PLAC1: variants seen among roughly 807,000 people sequenced by gnomAD.
PLAC1 encodes the protein placenta associated 1.
For synonymous variants in PLAC1, 68 were observed against 62.1 expected, an observed-to-expected ratio of 1.09 and a Z score of -0.44; for missense variants, 136 against 163.2, an observed-to-expected ratio of 0.83 and a Z score of 0.91.
chrX:134,731,522 T>C (rs938666705), intron 2 of PLAC1, among the ~76,000 whole-genome samples: 3 of 112,388 alleles, frequency 2.7e-5, no homozygotes, highest in African/African-American at 9.7e-5. Flanking sequence ...CAAGCTAGAC[T>C]ACCCTAGGGG....
In PLAC1 at chrX:134,656,170, T is replaced by C. The variant is rs1251397613; in HGVS notation, c.-131+2158A>G. Among the ~76,000 whole-genome samples, 3 of 112,221 alleles carry C rather than the reference T, an allele frequency of 2.7e-5. No homozygotes were observed. The South Asian group carries it at 1.1e-3, about 42-fold the overall frequency. ...TCACTCCTATCTGGAAAACCATCAA[T>C]GGCTATTTCCTATTTCTCATCTTTC... On this transcript the variant is annotated intron_variant, in intron 1 of 2. Transcript: ENST00000359237.
intron 2 of PLAC1, chrX:134,601,119 TTGTG>T (rs1463421941): frequency 1.8e-5 from 2 of 109,769 alleles, no homozygotes; most frequent in African/African-American, 6.6e-5. Context: ...CACTGTATGT[TTGTG>T]TATCCTCCTT....
chrX:134,602,308 G>A (rs995277420), intron 1 of PLAC1, among the ~76,000 whole-genome samples, 186 bp from the exon 2 acceptor site: 2 of 112,394 alleles, frequency 1.8e-5, no homozygotes, highest in African/African-American at 6.5e-5. Flanking sequence ...AATGGCTGTA[G>A]CCTTGAATAG....
chrX:134,616,812 G>A (rs2078184795), intron 1 of PLAC1, among the ~76,000 whole-genome samples: 1 of 106,446 alleles, frequency 9.4e-6, no homozygotes, highest in African/African-American at 3.4e-5. Flanking sequence ...GTCTCGCTCT[G>A]TCACCCAGGC....
At chrX:134,734,667 T>C (rs1265488491) in intron 1 of PLAC1, among the ~76,000 whole-genome samples, 2 of 111,748 alleles carry the variant, frequency 1.8e-5, no homozygotes, top group Admixed American at 9.4e-5. Flanking sequence ...GGAATGGCGT[T>C]CCCTCCCCTC....
chrX:134,612,230 C>T, intron 1 of PLAC1, among the ~76,000 whole-genome samples: 1 of 112,071 alleles, frequency 8.9e-6, no homozygotes, highest in Non-Finnish European at 1.9e-5. Flanking sequence ...CTATTAGCCA[C>T]CTTGCCTTAA....
chrX:134,754,392 C>T (rs1198439832), intron 1 of PLAC1, among the ~76,000 whole-genome samples: 2 of 111,825 alleles, frequency 1.8e-5, no homozygotes, highest in Non-Finnish European at 3.8e-5. Flanking sequence ...TCTATAGTGC[C>T]TTTCCACTGA....
At chrX:134,744,631 G>A (rs2078725247) in intron 1 of PLAC1, among the ~76,000 whole-genome samples, 1 of 112,248 alleles carries the variant, frequency 8.9e-6, no homozygotes, top group Admixed American at 9.4e-5. Context: ...ATAACGTCCT[G>A]ATTGTCACTA....
intron 2 of PLAC1, among the ~76,000 whole-genome samples, chrX:134,685,366 C>T (rs1471406846): frequency 1.8e-5 from 2 of 109,987 alleles, no homozygotes; most frequent in African/African-American, 6.6e-5. Context: ...AAATAGTGCC[C>T]ACACTGGGTC....
At chrX:134,569,784 GTGTT>G (rs1175256012) in intron 2 of PLAC1, among the ~76,000 whole-genome samples, 51 of 99,620 alleles carry the variant, frequency 5.1e-4, no homozygotes, top group Middle Eastern at 5.1e-3. Context: ...GTGTGTGTGT[GTGTT>G]TGTGTGTGTG....
At chrX:134,573,900 G>C (rs1207638387) in intron 2 of PLAC1, among the ~76,000 whole-genome samples, 1 of 111,516 alleles carries the variant, frequency 9.0e-6, no homozygotes, top group Non-Finnish European at 1.9e-5. Context: ...CCATCATTTG[G>C]CTCCTGAGAC....
At chrX:134,757,028 G>A (rs1180206787) in intron 1 of PLAC1, among the ~76,000 whole-genome samples, 1 of 111,778 alleles carries the variant, frequency 8.9e-6, no homozygotes, top group Non-Finnish European at 1.9e-5. Flanking sequence ...TTCCTTTACA[G>A]ACGAATGGAT....
At chrX:134,689,321 G>A (rs1026767329) in intron 2 of PLAC1, among the ~76,000 whole-genome samples, 5 of 112,183 alleles carry the variant, frequency 4.5e-5, no homozygotes, top group South Asian at 3.7e-4. Context: ...TGTATTGTTC[G>A]AGAGGCTTCT....
At chrX:134,740,058 C>T (rs1441484797) in intron 1 of PLAC1, among the ~76,000 whole-genome samples, 3 of 111,966 alleles carry the variant, frequency 2.7e-5, no homozygotes, top group African/African-American at 9.7e-5. Flanking sequence ...TGGCTCATGC[C>T]TGTAATCCCA....
intron 2 of PLAC1, among the ~76,000 whole-genome samples, chrX:134,706,040 T>C (rs1331391582): frequency 1.8e-5 from 2 of 111,737 alleles, no homozygotes; most frequent in Non-Finnish European, 3.8e-5. Context: ...GACTGGGTAC[T>C]AGAGAAGCTA....
chrX:134,639,239 C>G (rs989522930), intron 1 of PLAC1, among the ~76,000 whole-genome samples: 1 of 111,912 alleles, frequency 8.9e-6, no homozygotes, highest in African/African-American at 3.3e-5. Flanking sequence ...CATAGGTCTA[C>G]ATGATGGTTT....
At chrX:134,657,053 C>T (rs960887300) in intron 1 of PLAC1, among the ~76,000 whole-genome samples, 8 of 112,158 alleles carry the variant, frequency 7.1e-5, no homozygotes, top group South Asian at 3.7e-4. Flanking sequence ...GTCACTTGAC[C>T]GTGAGAAGAT....
At chrX:134,743,154 A>C (rs2078721102) in intron 1 of PLAC1, among the ~76,000 whole-genome samples, 1 of 112,197 alleles carries the variant, frequency 8.9e-6, no homozygotes, top group African/African-American at 3.2e-5. Flanking sequence ...GTAACAAGAA[A>C]GGCAATGTTT....
rs747397205 is a variant in PLAC1, at chrX:134,588,060, CTTG to C, written c.-59+13988_-59+13990del. Among the ~76,000 whole-genome samples, 7 of 111,607 alleles carry C rather than the reference CTTG, an allele frequency of 6.3e-5. No homozygotes were observed. In the East Asian group the frequency reaches 8.4e-4, roughly 13 times the overall value. The stretch of plus-strand genomic sequence containing the variant: ...AAGCCCAATTTATAAGGTTCTGGTA[CTTG>C]TTGTATTCTTTCTGAGAGCATTTTG... On this transcript the variant is annotated intron_variant, in intron 2 of 2. Coordinates refer to ENST00000359237, the MANE Select transcript of PLAC1 (RefSeq NM_021796.4).
Sources: allele counts gnomAD v4.1 joint callset (sites outside exome capture counted in the v4.1 genomes callset), GRCh38; gene constraint gnomAD v4.1.1; transcripts MANE v1.5; gene names NCBI Gene and HGNC (gene_info 2026-07-23, HGNC 2026-07-21).